RGS6: variants seen among roughly 807,000 people sequenced by gnomAD.
RGS6 encodes regulator of G-protein signaling 6.
In RGS6, 30 loss-of-function variants were observed where a neutral mutation model predicts 78.5. The observed-to-expected ratio is 0.38, with a 90% CI of 0.29 to 0.52. The LOEUF is 0.52. RGS6 is among the 20% of genes least tolerant of loss of function. RGS6 has a pLI of 0.85. For missense variants in RGS6, 495 were observed against 609.7 expected (o/e 0.81, Z 1.98); for synonymous variants, 206 against 206.0 (o/e 1.00, Z 0.00).
At chr14:72,312,093 C>G (rs1309339815) in intron 2 of RGS6, among the ~76,000 whole-genome samples, 1 of 152,140 alleles carries the variant, frequency 6.6e-6, no homozygotes, top group African/African-American at 2.4e-5. Flanking sequence ...CCTGAGGTTA[C>G]CAGGTTCACC....
intron 3 of RGS6, among the ~76,000 whole-genome samples, chr14:72,368,899 G>C (rs1341522826): frequency 1.3e-5 from 2 of 152,118 alleles, no homozygotes; most frequent in African/African-American, 4.8e-5. Flanking sequence ...TGAAGGTATG[G>C]TTACATTAAG....
intron 6 of RGS6, 108 bp downstream of exon 6, chr14:72,459,791 G>T: frequency 9.2e-7 from 1 of 1,082,888 alleles, no homozygotes; most frequent in Non-Finnish European, 1.4e-6. Flanking sequence ...TGGGGAGGAG[G>T]GTCCTTTCTG....
chr14:72,412,260 A>G (rs141070758), intron 3 of RGS6, among the ~76,000 whole-genome samples: 131 of 152,342 alleles, frequency 8.6e-4, no homozygotes, highest in African/African-American at 3.0e-3. Flanking sequence ...TTATTGGTCT[A>G]TTCAGAGATT....
chr14:72,111,065 A>G (rs1371537659), intron 2 of RGS6, among the ~76,000 whole-genome samples: 1 of 152,128 alleles, frequency 6.6e-6, no homozygotes, highest in Non-Finnish European at 1.5e-5. Flanking sequence ...ACTGTCTGCA[A>G]GACTCTCCCG....
intron 3 of RGS6, among the ~76,000 whole-genome samples, chr14:72,392,603 G>T (rs948821468): frequency 2.0e-5 from 3 of 152,190 alleles, no homozygotes; most frequent in African/African-American, 7.2e-5. Flanking sequence ...AAACAGGTGT[G>T]AGCTACAGAA....
intron 3 of RGS6, among the ~76,000 whole-genome samples, chr14:72,367,918 G>C (rs1380939947): frequency 6.6e-6 from 1 of 152,148 alleles, no homozygotes; most frequent in Non-Finnish European, 1.5e-5. Context: ...GATCTTCTGA[G>C]ATTCTTCACA....
intron 17 of RGS6, among the ~76,000 whole-genome samples, chr14:72,548,110 G>A (rs1020983864): frequency 1.3e-5 from 2 of 152,058 alleles, no homozygotes; most frequent in African/African-American, 4.8e-5. Context: ...TATGTCCGCT[G>A]GAAAGGCAGT....
intron 3 of RGS6, 76 bp downstream of exon 3, chr14:72,352,270 G>T (rs1351229868): frequency 1.0e-6 from 1 of 1,004,216 alleles, no homozygotes; most frequent in African/African-American, 1.6e-5. Context: ...CGGCCTGAGG[G>T]GTGTCTGAAG....
At chr14:72,578,365 G>A in the RGS6 span, among the ~76,000 whole-genome samples, 1 of 151,988 alleles carries the variant, frequency 6.6e-6, no homozygotes, top group African/African-American at 2.4e-5. Flanking sequence ...CAGCCTCTCT[G>A]CCCCACCTGC....
intron 2 of RGS6, among the ~76,000 whole-genome samples, chr14:71,965,108 G>T (rs74392258): frequency 0.013 from 1,999 of 152,290 alleles, 78 homozygotes; most frequent in Admixed American, 0.073. Context: ...AAACCCAAAG[G>T]TTGCCTAAGC....
the RGS6 span, among the ~76,000 whole-genome samples, chr14:72,600,871 G>A: frequency 4.6e-5 from 7 of 152,176 alleles, no homozygotes; most frequent in South Asian, 2.1e-4. Context: ...CCTACTCCCC[G>A]CACAGCTCCC....
chr14:72,455,383 A>G (rs991232387), intron 4 of RGS6, among the ~76,000 whole-genome samples: 15 of 152,142 alleles, frequency 9.9e-5, no homozygotes, highest in East Asian at 1.9e-4. Context: ...CTGAACCACA[A>G]TGCTTTTTGA....
In RGS6 at chr14:72,244,745, A is replaced by G. The variant is rs2053785390; in HGVS notation, c.85-107350A>G. 2.0e-5 allele frequency among the ~76,000 whole-genome samples: 3 copies of G among 152,318 alleles called. No homozygotes were observed. The South Asian group carries it at 6.2e-4, about 32-fold the overall frequency. ...CTTTGATGGGGACGAAGCTAAGACC[A>G]TGTATGCCATTGGCCCCAGGCAATA... On this transcript the variant is annotated intron_variant, in intron 2 of 17. Coordinates refer to ENST00000553525, the MANE Select transcript of RGS6 (RefSeq NM_001204424.2).
intron 1 of RGS6, among the ~76,000 whole-genome samples, chr14:71,942,085 A>G (rs537499073): frequency 3.2e-4 from 48 of 152,334 alleles, no homozygotes; most frequent in African/African-American, 1.1e-3. Context: ...AGTAGTCAAG[A>G]CAAAAGAATA....
chr14:72,011,582 TAA>T (rs57661696), intron 2 of RGS6, among the ~76,000 whole-genome samples: 90,153 of 150,932 alleles, frequency 0.6, 27,577 homozygotes, highest in South Asian at 0.68. Context: ...CTCAAAAATA[TAA>T]AAAAAAAAAA....
At chr14:72,282,915 A>C (rs1032759521) in intron 2 of RGS6, among the ~76,000 whole-genome samples, 10 of 152,184 alleles carry the variant, frequency 6.6e-5, no homozygotes, top group African/African-American at 2.4e-4. Flanking sequence ...CTACTTGTTC[A>C]GTAATAACTC....
chr14:72,275,639 A>G (rs1452464513), intron 2 of RGS6, among the ~76,000 whole-genome samples: 1 of 152,206 alleles, frequency 6.6e-6, no homozygotes, highest in Non-Finnish European at 1.5e-5. Flanking sequence ...ATCTATTGGC[A>G]TAAAACATTC....
chr14:72,123,667 A>G (rs2096114872), intron 2 of RGS6, among the ~76,000 whole-genome samples: 2 of 152,204 alleles, frequency 1.3e-5, no homozygotes, highest in African/African-American at 4.8e-5. Context: ...AAAAATTAAT[A>G]AGAGAGTTCC....
chr14:71,875,653 G>T, the RGS6 span, among the ~76,000 whole-genome samples: 26 of 152,164 alleles, frequency 1.7e-4, no homozygotes, highest in Admixed American at 1.7e-3. Flanking sequence ...CTTCAGTTCT[G>T]CTCTGATCTT....
Sources: gnomAD v4.1 joint callset for allele counts (sites outside exome capture counted in the v4.1 genomes callset) on GRCh38, gnomAD v4.1.1 for gene constraint, MANE v1.5 for transcripts, NCBI Gene and HGNC (gene_info 2026-07-23, HGNC 2026-07-21) for gene names.